GATAD1: variants seen among roughly 807,000 people sequenced by gnomAD.
GATAD1 encodes the protein GATA zinc finger domain containing 1.
Under a neutral mutation model 26.5 loss-of-function variants are expected in GATAD1, and 12 were observed. The ratio of observed to expected loss-of-function variants is 0.45; its 90% CI spans 0.29 to 0.73. The LOEUF (loss-of-function observed/expected upper bound fraction) is 0.73, where lower values mean the gene tolerates loss of function less well. Among genes scored for constraint, GATAD1 ranks in the 30% least tolerant of loss-of-function variants. GATAD1 has a pLI of 0.10. For missense variants in GATAD1, 266 were observed against 342.1 expected (o/e 0.78, Z 1.75); for synonymous variants, 129 against 133.1 (o/e 0.97, Z 0.21).
chr7:92,463,486 C>G (rs894891455), downstream of GATAD1, among the ~76,000 whole-genome samples: 4 of 150,918 alleles, frequency 2.7e-5, no homozygotes, highest in Non-Finnish European at 5.9e-5. Flanking sequence ...CCTGTCTCTA[C>G]TAAAAAATAA....
chr7:92,490,652 A>AAG, the GATAD1 span, among the ~76,000 whole-genome samples: 1 of 140,324 alleles, frequency 7.1e-6, no homozygotes, highest in Admixed American at 7.1e-5. Flanking sequence ...AAAAAAAAAA[A>AAG]GCCTAAATTA....
the GATAD1 span, among the ~76,000 whole-genome samples, chr7:92,479,646 C>T: frequency 2.0e-5 from 3 of 151,906 alleles, no homozygotes; most frequent in Non-Finnish European, 4.4e-5. Flanking sequence ...AGTGTTGGGG[C>T]AGCAAAAATT....
chr7:92,448,764 A>AT lies in GATAD1; in HGVS notation c.264dup (p.His89SerfsTer11). On this transcript the variant is annotated frameshift_variant, in exon 2 of 5. Coordinates refer to ENST00000287957, the MANE Select transcript of GATAD1 (RefSeq NM_021167.5). LOFTEE classifies it high-confidence loss of function. ...GTTTGTGTAACAGAGTAAGCAGGAA[A>AT]TTCACAGGAGGTCTGCTCGGCTCAG... 1 of 1,612,502 alleles carries AT rather than the reference A, an allele frequency of 6.2e-7. No individual in the cohort carries two copies. The highest frequency in any genetic ancestry group is 2.2e-5 in the East Asian group (1 of 44,874).
At chr7:92,449,511 C>T (rs952046511) in intron 2 of GATAD1, 193 of 975,630 alleles carry the variant, frequency 2.0e-4, no homozygotes, top group Non-Finnish European at 2.2e-4. Flanking sequence ...ACACAGTGGA[C>T]AGTGCATTAT....
rs374800447 is a variant in GATAD1 at position 92,455,070 on chromosome 7, A to G, written c.619+385A>G. On this transcript the variant is annotated intron_variant, in intron 4 of 4. Coordinates refer to ENST00000287957, the MANE Select transcript of GATAD1 (RefSeq NM_021167.5). ...AGGTCTCATCTCCAAGTACCATCAC[A>G]TTGGGGATTAGGGCTTCAACATATA... 6.4e-4 allele frequency among the ~76,000 whole-genome samples: 96 copies of G among 150,816 alleles called. No homozygotes were observed. In the South Asian group the frequency reaches 0.02, roughly 31 times the overall value.
At chr7:92,461,519 G>A (rs978829997), downstream of GATAD1, 2 of 152,158 alleles carry the variant, frequency 1.3e-5, no homozygotes, top group African/African-American at 4.8e-5. Context: ...AGAAGGCAAG[G>A]AACTACTGTT....
the GATAD1 span, among the ~76,000 whole-genome samples, chr7:92,465,456 A>G: frequency 6.6e-6 from 1 of 152,010 alleles, no homozygotes; most frequent in Non-Finnish European, 1.5e-5. Flanking sequence ...CATCTCTACT[A>G]AAAATACAAA....
the GATAD1 span, chr7:92,470,055 G>C: frequency 5.1e-6 from 4 of 778,168 alleles, no homozygotes; most frequent in Non-Finnish European, 7.2e-6. Context: ...CAGTTTGGGT[G>C]AAGTAAGTCC....
At chr7:92,451,319 T>C (rs551826965) in intron 3 of GATAD1, among the ~76,000 whole-genome samples, 1 of 152,322 alleles carries the variant, frequency 6.6e-6, no homozygotes, top group East Asian at 1.9e-4. Flanking sequence ...TCCATGAACA[T>C]CTGATACCTC....
chr7:92,479,958 T>C, the GATAD1 span, among the ~76,000 whole-genome samples: 3 of 152,034 alleles, frequency 2.0e-5, no homozygotes, highest in Non-Finnish European at 4.4e-5. Context: ...AATTAGAGAG[T>C]GCCCAAGGGG....
the GATAD1 span, among the ~76,000 whole-genome samples, chr7:92,488,867 G>A: frequency 1.3e-5 from 2 of 151,870 alleles, no homozygotes; most frequent in Non-Finnish European, 2.9e-5. Context: ...CCAAGTAGCT[G>A]GGACTACAGG....
downstream of GATAD1, among the ~76,000 whole-genome samples, chr7:92,461,666 T>A (rs74839590): frequency 0.065 from 9,904 of 152,270 alleles, 403 homozygotes; most frequent in Non-Finnish European, 0.086. Context: ...TTAAAGTTTA[T>A]ATACTAAATT....
At chr7:92,449,683 T>TAA in intron 2 of GATAD1, 1 of 866,188 alleles carries the variant, frequency 1.2e-6, no homozygotes, top group Non-Finnish European at 1.4e-6. Context: ...CTTTTTTTTT[T>TAA]TTTAATTTAA....
At chr7:92,489,529 G>A in the GATAD1 span, 5 of 1,099,470 alleles carry the variant, frequency 4.5e-6, no homozygotes, top group African/African-American at 4.7e-5. Flanking sequence ...GAGACCATAC[G>A]TTCTCTTCCT....
At chr7:92,471,577 G>A in the GATAD1 span, 3 of 152,182 alleles carry the variant, frequency 2.0e-5, no homozygotes, top group Non-Finnish European at 2.9e-5. Context: ...TTGGTTTCCC[G>A]GAGGGGATTA....
At chr7:92,489,509 G>A in the GATAD1 span, 3 of 1,236,068 alleles carry the variant, frequency 2.4e-6, no homozygotes, top group South Asian at 3.8e-5. Context: ...CTTATTGTCA[G>A]TTTTTTCAAG....
the GATAD1 span, chr7:92,472,602 A>G: frequency 1.3e-5 from 2 of 152,224 alleles, no homozygotes; most frequent in Non-Finnish European, 2.9e-5. Context: ...TGTCCATCTT[A>G]CTAAATGGGT....
chr7:92,468,482 GT>G, the GATAD1 span: 4 of 265,354 alleles, frequency 1.5e-5, no homozygotes, highest in Non-Finnish European at 2.8e-5. Flanking sequence ...GAAGACTTGG[GT>G]TTATATCCCG....
intron 2 of GATAD1, chr7:92,449,570 G>C: frequency 1.0e-6 from 1 of 976,174 alleles, no homozygotes; most frequent in Non-Finnish European, 1.2e-6. Flanking sequence ...TTCAGAACAG[G>C]AATGTTTCAC....
Sources: allele counts gnomAD v4.1 joint callset (sites outside exome capture counted in the v4.1 genomes callset), GRCh38; gene constraint gnomAD v4.1.1; transcripts MANE v1.5; gene names NCBI Gene and HGNC (gene_info 2026-07-23, HGNC 2026-07-21).